Variants in RARB observed in about 807,000 individuals in gnomAD.
The protein encoded by RARB is retinoic acid receptor beta, also known as HBV-activated protein.
In RARB, 17 loss-of-function variants were observed where a neutral mutation model predicts 51.9. That is an observed-to-expected ratio of 0.33 (90% CI 0.22 to 0.49). The LOEUF is 0.49. RARB is among the 20% of genes least tolerant of loss of function. The pLI, the probability that RARB is intolerant of heterozygous loss-of-function variation, is 0.99. For synonymous variants in RARB, 215 were observed against 195.4 expected, an observed-to-expected ratio of 1.10 and a Z score of -0.84; for missense variants, 369 against 550.8, an observed-to-expected ratio of 0.67 and a Z score of 3.30.
At chr3:25,360,767 A>C (rs945130703) in intron 5 of RARB, among the ~76,000 whole-genome samples, 6 of 152,076 alleles carry the variant, frequency 3.9e-5, no homozygotes, top group Admixed American at 2.6e-4. Flanking sequence ...TGAAACTCTC[A>C]GTTGAAAATT....
intron 2 of RARB, among the ~76,000 whole-genome samples, chr3:24,978,745 A>C (rs532546591): frequency 1.1e-4 from 16 of 148,856 alleles, no homozygotes; most frequent in Admixed American, 1.0e-3. Flanking sequence ...TTGTGTCTCT[A>C]TCTCCTTTAG....
chr3:24,920,485 T>C (rs538816771), intron 2 of RARB, among the ~76,000 whole-genome samples: 1 of 152,318 alleles, frequency 6.6e-6, no homozygotes, highest in East Asian at 1.9e-4. Flanking sequence ...TAGCTTCAGC[T>C]GTTAATTTTG....
At chr3:25,348,089 G>A (rs745913270) in intron 5 of RARB, among the ~76,000 whole-genome samples, 49 of 152,084 alleles carry the variant, frequency 3.2e-4, no homozygotes, top group Non-Finnish European at 6.2e-4. Flanking sequence ...GATCTTCATA[G>A]GCTTCATGGG....
In RARB at chr3:25,569,986, A is replaced by G. The variant is rs1223830531; in HGVS notation, c.609+68A>G. 8 of 497,424 alleles carry G rather than the reference A, an allele frequency of 1.6e-5. No homozygotes were observed. The African/African-American group carries it at 4.4e-4, about 28-fold the overall frequency. The allele number at this position is 497,424 out of a possible 1,614,324, so 30.8% of individuals were successfully genotyped here. A position where few individuals can be genotyped will look rare whatever the true frequency, so the allele number is the denominator to read the frequency against. ...CTTGTACGTGCATGTGTGCAGACAC[A>G]CACACACACACACACACACACACAC... is the stretch of plus-strand genomic sequence containing the variant. On this transcript the variant is annotated intron_variant, in intron 4 of 7. Coordinates refer to ENST00000330688, the MANE Select transcript of RARB (RefSeq NM_000965.5).
At position 25,363,427 on chromosome 3, in the gene RARB, T is replaced by G. The variant is rs1016711833; in HGVS notation, c.179-97766T>G. ...CAGAACTCAATTCCAGCCTTGCTCCTGAAAACCTTCTTTCCTACAACTTTC... is the reference window on the plus strand; with the variant it reads ...CAGAACTCAATTCCAGCCTTGCTCCGGAAAACCTTCTTTCCTACAACTTTC... On this transcript the variant is annotated intron_variant, in intron 5 of 11. Coordinates refer to the RARB transcript ENST00000383772. Among the ~76,000 whole-genome samples the G allele has an allele frequency of 2.6e-5, 4 of 152,204 alleles. No individual in the cohort carries two copies. The South Asian group carries it at 8.3e-4, about 32-fold the overall frequency.
intron 5 of RARB, among the ~76,000 whole-genome samples, chr3:25,276,505 C>T (rs141431301): frequency 7.9e-5 from 12 of 152,182 alleles, no homozygotes; most frequent in South Asian, 2.1e-4. Flanking sequence ...CAAAATATAA[C>T]GGAAGGAATT....
intron 2 of RARB, among the ~76,000 whole-genome samples, chr3:25,483,801 G>A (rs1017317233): frequency 6.6e-6 from 1 of 152,164 alleles, no homozygotes; most frequent in Non-Finnish European, 1.5e-5. Context: ...GCCATTTGCT[G>A]ATAGAGCACA....
At chr3:25,220,710 G>A (rs1287943730) in intron 5 of RARB, among the ~76,000 whole-genome samples, 1 of 152,134 alleles carries the variant, frequency 6.6e-6, no homozygotes, top group Admixed American at 6.5e-5. Context: ...AGTTTCCTGA[G>A]GCCTCCCAAG....
chr3:25,590,099 C>T (rs970154907), intron 5 of RARB, among the ~76,000 whole-genome samples: 2 of 151,396 alleles, frequency 1.3e-5, no homozygotes, highest in African/African-American at 4.9e-5. Flanking sequence ...AGCAGTCTTC[C>T]TTCTCAGGCC....
At chr3:25,418,658 A>T (rs1707773693) in intron 5 of RARB, among the ~76,000 whole-genome samples, 1 of 152,292 alleles carries the variant, frequency 6.6e-6, no homozygotes, top group South Asian at 2.1e-4. Context: ...GGGGACCATG[A>T]CAACAGCTAT....
intron 4 of RARB, among the ~76,000 whole-genome samples, chr3:25,158,018 G>A (rs1051839173): frequency 5.3e-5 from 8 of 152,198 alleles, no homozygotes; most frequent in Admixed American, 2.0e-4. Context: ...AAGAATGCAC[G>A]TGTATAAATA....
At chr3:25,506,912 T>C (rs1697633863) in intron 3 of RARB, among the ~76,000 whole-genome samples, 1 of 152,268 alleles carries the variant, frequency 6.6e-6, no homozygotes, top group Non-Finnish European at 1.5e-5. Context: ...TGCTGACTTA[T>C]GAGCCGTATG....
intron 5 of RARB, among the ~76,000 whole-genome samples, chr3:25,292,702 C>T (rs1703818928): frequency 6.6e-6 from 1 of 152,098 alleles, no homozygotes. Flanking sequence ...CTCAGGAGCT[C>T]CTTTCCCTTT....
chr3:24,837,823 T>A (rs1702363462), intron 1 of RARB, among the ~76,000 whole-genome samples: 1 of 152,222 alleles, frequency 6.6e-6, no homozygotes, highest in Non-Finnish European at 1.5e-5. Context: ...TTTCTGATAT[T>A]ACTCATTAGG....
At chr3:25,246,494 G>T (rs1702564780) in intron 5 of RARB, among the ~76,000 whole-genome samples, 1 of 152,060 alleles carries the variant, frequency 6.6e-6, no homozygotes. Flanking sequence ...ATCTTCGGAT[G>T]GAGTTTTTGC....
chr3:25,277,720 G>A (rs796422931), intron 5 of RARB, among the ~76,000 whole-genome samples: 1 of 152,208 alleles, frequency 6.6e-6, no homozygotes, highest in South Asian at 2.1e-4. Context: ...CAAAATAGAA[G>A]TTGGCCATTC....
At chr3:25,205,992 C>A (rs908838344) in intron 5 of RARB, among the ~76,000 whole-genome samples, 1 of 152,080 alleles carries the variant, frequency 6.6e-6, no homozygotes, top group Non-Finnish European at 1.5e-5. Context: ...TCTAAGTGTT[C>A]CAAGCATGTT....
chr3:24,985,847 G>T (rs1282353007), intron 2 of RARB, among the ~76,000 whole-genome samples: 1 of 152,204 alleles, frequency 6.6e-6, no homozygotes, highest in Non-Finnish European at 1.5e-5. Context: ...GCAGCCATGA[G>T]CCTCCACGCA....
chr3:25,032,121 G>T (rs1011664487), intron 2 of RARB, among the ~76,000 whole-genome samples: 2 of 152,084 alleles, frequency 1.3e-5, no homozygotes, highest in Admixed American at 6.5e-5. Context: ...CTATTAATAG[G>T]TCCATAATTC....
Sources: allele counts gnomAD v4.1 joint callset (sites outside exome capture counted in the v4.1 genomes callset), GRCh38; gene constraint gnomAD v4.1.1; transcripts MANE v1.5; gene names NCBI Gene and HGNC (gene_info 2026-07-23, HGNC 2026-07-21).